Variants in WDR11 observed in about 807,000 individuals in gnomAD.
The protein encoded by WDR11 is WD repeat domain 11.
A neutral mutation model predicts 151.2 loss-of-function variants in WDR11; 83 were observed. The observed-to-expected ratio is 0.55, with a 90% CI of 0.46 to 0.66. The LOEUF is 0.66. Among genes scored for constraint, WDR11 ranks in the 30% least tolerant of loss-of-function variants. WDR11 has a pLI of 0.00. For synonymous variants in WDR11, 484 were observed against 533.1 expected (o/e 0.91, Z 1.27); for missense variants, 1,301 against 1,480.9 (o/e 0.88, Z 1.99).
intron 19 of WDR11, among the ~76,000 whole-genome samples, chr10:120,896,578 T>C (rs1847623197): frequency 6.6e-6 from 1 of 152,174 alleles, no homozygotes; most frequent in South Asian, 2.1e-4. Flanking sequence ...GAACTTCCCA[T>C]TCACTGCACA....
intron 11 of WDR11, among the ~76,000 whole-genome samples, chr10:120,874,201 TG>T (rs60650252): frequency 3.5e-5 from 3 of 85,518 alleles, no homozygotes; most frequent in African/African-American, 1.1e-4. Context: ...TTGTTGTTGT[TG>T]TTGTTGTTTG....
intron 9 of WDR11, among the ~76,000 whole-genome samples, chr10:120,869,500 C>T (rs550001374): frequency 2.7e-5 from 4 of 149,628 alleles, no homozygotes; most frequent in Non-Finnish European, 5.9e-5. Context: ...AATAAAGCTT[C>T]GTACTTGAAA....
At chr10:120,902,066 G>C (rs1268871019) in intron 21 of WDR11, among the ~76,000 whole-genome samples, 191 bp from the exon 22 acceptor site, 4 of 152,210 alleles carry the variant, frequency 2.6e-5, no homozygotes, top group African/African-American at 9.7e-5. Context: ...GCTTCTCCAA[G>C]CCTTGAGAAC....
chr10:120,896,870 A>G (rs779609783), intron 19 of WDR11, among the ~76,000 whole-genome samples: 3 of 152,202 alleles, frequency 2.0e-5, no homozygotes, highest in Non-Finnish European at 4.4e-5. Context: ...CTCTGCTCAC[A>G]GAGAGTTTTC....
intron 15 of WDR11, among the ~76,000 whole-genome samples, chr10:120,886,329 A>G (rs556393909): frequency 7.1e-4 from 108 of 152,282 alleles, no homozygotes; most frequent in African/African-American, 2.5e-3. Context: ...TTTGTGTATC[A>G]TCCCCATCCA....
At chr10:120,879,147 A>G (rs1846908127) in intron 12 of WDR11, 1 of 152,264 alleles carries the variant, frequency 6.6e-6, no homozygotes, top group South Asian at 2.1e-4. Flanking sequence ...AATCATATGT[A>G]GATGATCTTA....
intron 2 of WDR11, among the ~76,000 whole-genome samples, chr10:120,855,261 G>A (rs553047943): frequency 1.3e-5 from 2 of 152,284 alleles, no homozygotes; most frequent in East Asian, 3.9e-4. Flanking sequence ...GGCAGGTGGT[G>A]TATACAGCAT....
chr10:120,864,816 C>T (rs1846258711), intron 5 of WDR11, among the ~76,000 whole-genome samples: 1 of 152,138 alleles, frequency 6.6e-6, no homozygotes, highest in Non-Finnish European at 1.5e-5. Flanking sequence ...CTTAATATTT[C>T]AAAAACTTAG....
chr10:120,893,921 C>T (rs370012376), intron 19 of WDR11, among the ~76,000 whole-genome samples: 3,222 of 150,354 alleles, frequency 0.021, 103 homozygotes, highest in African/African-American at 0.071. Flanking sequence ...ATTAGCCCTT[C>T]GTCAGATGAG....
At chr10:120,887,999 T>C (rs541644987) in intron 16 of WDR11, among the ~76,000 whole-genome samples, 1 of 152,332 alleles carries the variant, frequency 6.6e-6, no homozygotes, top group African/African-American at 2.4e-5. Context: ...GTTTTGTTTC[T>C]TGACTATTAC....
intron 1 of WDR11, chr10:120,851,733 G>T: frequency 1.6e-6 from 1 of 606,582 alleles, no homozygotes; most frequent in Non-Finnish European, 2.9e-6. Context: ...TCTTTCTCGC[G>T]TATTTCTCTG....
At chr10:120,905,675 C>A in intron 26 of WDR11, 1 of 969,220 alleles carries the variant, frequency 1.0e-6, no homozygotes, top group Non-Finnish European at 1.5e-6. Context: ...AAACTACAGT[C>A]CAGAGGTATA....
At chr10:120,908,160 A>G in intron 28 of WDR11, 1 of 248,526 alleles carries the variant, frequency 4.0e-6, no homozygotes, top group Non-Finnish European at 8.0e-6. Flanking sequence ...ACATTCAGAA[A>G]TAAATATCTG....
chr10:120,874,890 T>G (rs1204598265), intron 11 of WDR11, among the ~76,000 whole-genome samples: 1 of 152,036 alleles, frequency 6.6e-6, no homozygotes, highest in Non-Finnish European at 1.5e-5. Context: ...GGTGGTTTGC[T>G]GCACCTGTCA....
chr10:120,877,473 G>T lies in WDR11; in HGVS notation c.1557-880G>T, dbSNP rs189319197. On this transcript the variant is annotated intron_variant, in intron 11 of 28. Transcript: ENST00000263461. Reference sequence around the variant, plus strand: ...AAATTTCACAGAAATACAAAAATTAGCTGGGCGTGGTAGCATACACCTGTA... The same window carrying T: ...AAATTTCACAGAAATACAAAAATTATCTGGGCGTGGTAGCATACACCTGTA... Among the ~76,000 whole-genome samples the T allele has an allele frequency of 3.3e-5, 5 of 152,180 alleles. No homozygotes were observed. The East Asian group carries it at 9.7e-4, about 29-fold the overall frequency.
intron 15 of WDR11, among the ~76,000 whole-genome samples, chr10:120,886,192 C>T (rs1360070639): frequency 6.6e-6 from 1 of 152,166 alleles, no homozygotes; most frequent in Non-Finnish European, 1.5e-5. Context: ...AGTAAATGTG[C>T]TCATTCCGAG....
At chr10:120,906,483 C>A (rs1303206194) in intron 27 of WDR11, 1 of 1,291,188 alleles carries the variant, frequency 7.7e-7, no homozygotes, top group African/African-American at 1.5e-5. Context: ...CAAAAGATTA[C>A]TTGTCAACTC....
chr10:120,852,229 C>T, intron 1 of WDR11: 1 of 376,636 alleles, frequency 2.7e-6, no homozygotes, highest in African/African-American at 2.1e-5. Context: ...AAGCGAAAGA[C>T]GTATGCCTAC....
chr10:120,861,371 T>G (rs768671188), intron 4 of WDR11, among the ~76,000 whole-genome samples: 24 of 152,170 alleles, frequency 1.6e-4, no homozygotes, highest in Non-Finnish European at 3.5e-4. Flanking sequence ...TATGGACGTG[T>G]GCATACATAC....
Sources: allele counts gnomAD v4.1 joint callset (sites outside exome capture counted in the v4.1 genomes callset), GRCh38; gene constraint gnomAD v4.1.1; transcripts MANE v1.5; gene names NCBI Gene and HGNC (gene_info 2026-07-23, HGNC 2026-07-21).